Variants in ASB3 observed in about 807,000 individuals in gnomAD.
ASB3 encodes the protein ankyrin repeat and SOCS box protein 3.
A neutral mutation model predicts 54.5 loss-of-function variants in ASB3; 41 were observed. The ratio of observed to expected loss-of-function variants is 0.75; its 90% CI spans 0.59 to 0.98. ASB3 has a LOEUF of 0.98. Ranked by LOEUF, ASB3 falls within the 50% of genes least tolerant of loss-of-function variation. ASB3 has a pLI of 0.00. For missense variants in ASB3, 733 were observed against 620.0 expected (o/e 1.18, Z -1.94); for synonymous variants, 266 against 221.2 (o/e 1.20, Z -1.80).
At chr2:53,706,546 C>T (rs769966479) in intron 7 of ASB3, among the ~76,000 whole-genome samples, 12 of 151,970 alleles carry the variant, frequency 7.9e-5, no homozygotes, top group African/African-American at 2.4e-4. Flanking sequence ...CCCCGGTTCA[C>T]GCCATTCTAC....
chr2:53,687,134 T>C (rs1380436165), intron 9 of ASB3, among the ~76,000 whole-genome samples: 1 of 152,084 alleles, frequency 6.6e-6, no homozygotes, highest in African/African-American at 2.4e-5. Flanking sequence ...TTAATAAGAA[T>C]TTCCCCACAA....
intron 6 of ASB3, 43 bp downstream of exon 6, chr2:53,716,523 T>G (rs1670401298): frequency 6.3e-7 from 1 of 1,587,532 alleles, no homozygotes; most frequent in Non-Finnish European, 8.6e-7. Flanking sequence ...TTTATTAGCT[T>G]TTGATTAAGA....
At chr2:53,760,842 CT>C (rs1270057561) in intron 2 of ASB3, among the ~76,000 whole-genome samples, 1 of 152,188 alleles carries the variant, frequency 6.6e-6, no homozygotes. Flanking sequence ...AAGTTTGTCT[CT>C]TCCAGAATCA....
chr2:53,717,496 G>C (rs554660434), intron 5 of ASB3, among the ~76,000 whole-genome samples: 1 of 151,828 alleles, frequency 6.6e-6, no homozygotes, highest in African/African-American at 2.4e-5. Flanking sequence ...AAATGTGAAA[G>C]GGAAAAACAA....
chr2:53,699,102 G>A (rs1327583378), intron 8 of ASB3, among the ~76,000 whole-genome samples: 4 of 152,176 alleles, frequency 2.6e-5, no homozygotes, highest in Non-Finnish European at 5.9e-5. Context: ...CCCATCTGAT[G>A]AGGGCCTTCT....
intron 2 of ASB3, among the ~76,000 whole-genome samples, chr2:53,757,515 T>C (rs1672902574): frequency 6.6e-6 from 1 of 152,194 alleles, no homozygotes; most frequent in East Asian, 1.9e-4. Context: ...GACCATGACT[T>C]TCTTGAAAGT....
At chr2:53,680,823 C>G (rs1440899318) in intron 9 of ASB3, among the ~76,000 whole-genome samples, 2 of 152,106 alleles carry the variant, frequency 1.3e-5, no homozygotes, top group Non-Finnish European at 2.9e-5. Context: ...CTTATTCATT[C>G]TAACTATATT....
At chr2:53,778,354 G>T (rs1674462972) in intron 1 of ASB3, among the ~76,000 whole-genome samples, 1 of 151,976 alleles carries the variant, frequency 6.6e-6, no homozygotes, top group Non-Finnish European at 1.5e-5. Flanking sequence ...GATGATTTAT[G>T]AATACAATGT....
chr2:53,708,442 A>C (rs1033061538), intron 7 of ASB3, among the ~76,000 whole-genome samples: 1 of 152,220 alleles, frequency 6.6e-6, no homozygotes, highest in African/African-American at 2.4e-5. Flanking sequence ...GTATTTCTTT[A>C]TAGCAATGCA....
intron 3 of ASB3, among the ~76,000 whole-genome samples, chr2:53,731,028 C>G (rs928706433): frequency 1.3e-5 from 2 of 152,042 alleles, no homozygotes; most frequent in South Asian, 2.1e-4. Flanking sequence ...AAGTAACATG[C>G]CATTGATATT....
In ASB3 at chr2:53,765,535, G is replaced by A. The variant is rs1438827035; in HGVS notation, c.38C>T (p.Thr13Ile). 2 of 1,614,090 alleles carry A rather than the reference G, an allele frequency of 1.2e-6. No homozygotes were observed. Among genetic ancestry groups the A allele is most frequent in the Non-Finnish European group, 1.7e-6 (2 of 1,180,044 alleles). The change falls in exon 2 of 10, where the codon ACA becomes ATA. Residue 13 changes from threonine to isoleucine, a missense_variant. Coordinates refer to ENST00000263634, the MANE Select transcript of ASB3 (RefSeq NM_016115.5). Reference protein sequence around the residue: ...FTEAYADTCSTVGLAAREGNV... With the variant: ...FTEAYADTCSIVGLAAREGNV... The stretch of plus-strand genomic sequence containing the variant: ...GCCTTCCCTGGCAGCAAGTCCAACT[G>A]TAGAGCACGTGTCCGCGTAAGCCTC...
Position 53,670,278 on chromosome 2 carries a change from A to C in ASB3, c.*225T>G, listed in dbSNP as rs553415096. Reference sequence around the variant, plus strand: ...TGATGAAGCTGCAATAAAGTAATATAAGTGATGTTTACAATTTTTTTTTTT... The same window carrying C: ...TGATGAAGCTGCAATAAAGTAATATCAGTGATGTTTACAATTTTTTTTTTT... On this transcript the variant is annotated 3_prime_UTR_variant, in exon 10 of 10. Transcript: ENST00000263634. 4.7e-6 allele frequency: 2 copies of C among 429,506 alleles called. No individual in the cohort carries two copies. The highest frequency in any genetic ancestry group is 8.1e-6 in the Non-Finnish European group (2 of 248,060). 26.6% of individuals were successfully genotyped at this position (429,506 alleles called of 1,614,324 possible).
At chr2:53,698,013 A>G (rs1246762713) in intron 8 of ASB3, among the ~76,000 whole-genome samples, 1 of 152,214 alleles carries the variant, frequency 6.6e-6, no homozygotes, top group Non-Finnish European at 1.5e-5. Flanking sequence ...ACTTTGTGGC[A>G]GCTCTAACCC....
chr2:53,707,646 CAAAA>C (rs760618822), intron 7 of ASB3, among the ~76,000 whole-genome samples: 1 of 114,390 alleles, frequency 8.7e-6, no homozygotes. Context: ...GACTCCGTCT[CAAAA>C]AAAAAAAAAA....
chr2:53,697,242 T>C (rs549728264), intron 8 of ASB3, among the ~76,000 whole-genome samples: 4 of 152,322 alleles, frequency 2.6e-5, no homozygotes, highest in Non-Finnish European at 5.9e-5. Context: ...TACCCTATAG[T>C]ATAAAAAGGG....
intron 3 of ASB3, among the ~76,000 whole-genome samples, chr2:53,747,893 G>GT (rs1331443617): frequency 6.6e-6 from 1 of 152,144 alleles, no homozygotes; most frequent in Non-Finnish European, 1.5e-5. Flanking sequence ...CTACACTGGG[G>GT]GATATAGCAC....
rs1438700648 is a variant in ASB3, at chr2:53,765,506, C to T, written c.67G>A (p.Val23Ile). ...TTGAGCAGTTTCCTTAAGACTTTAA[C>T]ATTGCCTTCCCTGGCAGCAAGTCCA... ...TVGLAAREGN[V>I]KVLRKLLKKG... is the part of the protein sequence containing the mutation. Residue 23 changes from valine (V) to isoleucine (I), a missense_variant, in exon 2 of 10, where the codon GTT becomes ATT. Coordinates refer to ENST00000263634, the MANE Select transcript of ASB3 (RefSeq NM_016115.5). 46 of 1,614,106 alleles carry T rather than the reference C, an allele frequency of 2.8e-5. No homozygotes were observed. The highest frequency in any genetic ancestry group is 3.6e-5 in the Non-Finnish European group (43 of 1,180,040).
At chr2:53,785,567 G>A (rs967538602) in intron 1 of ASB3, among the ~76,000 whole-genome samples, 1 of 152,240 alleles carries the variant, frequency 6.6e-6, no homozygotes, top group East Asian at 1.9e-4. Context: ...GGGGGGCCAG[G>A]CACAGTGGCT....
chr2:53,782,912 G>C (rs1324049280), intron 1 of ASB3, among the ~76,000 whole-genome samples: 3 of 152,110 alleles, frequency 2.0e-5, no homozygotes, highest in Non-Finnish European at 4.4e-5. Context: ...CCAGCCTCTT[G>C]AGTAGCTGGG....
Sources: allele counts gnomAD v4.1 joint callset (sites outside exome capture counted in the v4.1 genomes callset), GRCh38; gene constraint gnomAD v4.1.1; transcripts MANE v1.5; gene names NCBI Gene and HGNC (gene_info 2026-07-23, HGNC 2026-07-21).